PATJ: variants seen among roughly 807,000 people sequenced by gnomAD.
PATJ encodes PATJ crumbs cell polarity complex component, also known as inaD-like protein.
Under a neutral mutation model 224.9 loss-of-function variants are expected in PATJ, and 190 were observed. That is an observed-to-expected ratio of 0.84 (90% CI 0.75 to 0.95). PATJ has a LOEUF of 0.95. Among genes scored for constraint, PATJ ranks in the 40% least tolerant of loss-of-function variants. PATJ has a pLI of 0.00. For missense variants in PATJ, 2,121 were observed against 2,270.3 expected (o/e 0.93, Z 1.34); for synonymous variants, 769 against 820.3 (o/e 0.94, Z 1.07).
intron 27 of PATJ, among the ~76,000 whole-genome samples, chr1:61,983,596 A>G (rs12059388): frequency 0.25 from 38,081 of 151,802 alleles, 5,134 homozygotes; most frequent in East Asian, 0.45. Context: ...CATTGTTTGG[A>G]GCAATGTCAG....
chr1:61,927,826 G>T lies in PATJ; in HGVS notation c.3667G>T (p.Asp1223Tyr). The T allele has an allele frequency of 6.2e-7, 1 of 1,603,252 alleles. No individual in the cohort carries two copies. The highest frequency in any genetic ancestry group is 8.5e-7 in the Non-Finnish European group (1 of 1,171,190). Residue 1223 changes from aspartate (D) to tyrosine (Y), a missense_variant, in exon 27 of 44, where the codon GAC (aspartate) becomes TAC (tyrosine). Asp to Tyr is a radical substitution (Grantham distance 160). Transcript: ENST00000642238. The part of the protein sequence containing the change: ...DENEEEDAFT[D>Y]QKIRQRYADL... ...AAATGAAGAAGAAGATGCCTTTACC[G>T]ACCGTGAGTGCCTTTTCACTATTTA...
intron 24 of PATJ, among the ~76,000 whole-genome samples, chr1:61,901,933 G>T (rs1246119793): frequency 3.3e-5 from 5 of 152,150 alleles, no homozygotes; most frequent in Admixed American, 2.6e-4. Context: ...AGTTTTAAAG[G>T]CACATCAGGC....
chr1:61,841,759 C>T (rs1282175657), intron 17 of PATJ, among the ~76,000 whole-genome samples: 2 of 152,112 alleles, frequency 1.3e-5, no homozygotes, highest in African/African-American at 4.8e-5. Flanking sequence ...ATTTAAAGGT[C>T]ACTTTTTGCT....
chr1:61,753,410 T>C (rs1280684139), intron 1 of PATJ, among the ~76,000 whole-genome samples: 1 of 152,184 alleles, frequency 6.6e-6, no homozygotes, highest in Non-Finnish European at 1.5e-5. Flanking sequence ...AGATATATCA[T>C]ATGTCTTAGT....
intron 7 of PATJ, among the ~76,000 whole-genome samples, chr1:61,783,986 CAAACAA>C (rs958037694): frequency 2.6e-5 from 4 of 151,850 alleles, no homozygotes; most frequent in African/African-American, 9.7e-5. Flanking sequence ...GACTCCCTCT[CAAACAA>C]AAACAAAAAC....
At chr1:61,935,474 T>A (rs1190374007) in intron 27 of PATJ, among the ~76,000 whole-genome samples, 1 of 152,184 alleles carries the variant, frequency 6.6e-6, no homozygotes, top group Non-Finnish European at 1.5e-5. Context: ...AAGAGTATAT[T>A]TGGATTATGA....
intron 27 of PATJ, among the ~76,000 whole-genome samples, chr1:61,987,009 G>A (rs1644798551): frequency 1.3e-5 from 2 of 151,412 alleles, no homozygotes; most frequent in Non-Finnish European, 2.9e-5. Flanking sequence ...TGCCTTCTAA[G>A]TTCTTCTTTA....
intron 17 of PATJ, among the ~76,000 whole-genome samples, chr1:61,834,730 A>C (rs1659892928): frequency 6.6e-6 from 1 of 152,160 alleles, no homozygotes; most frequent in African/African-American, 2.4e-5. Flanking sequence ...ATTGTATAAG[A>C]ATATTACGTT....
intron 21 of PATJ, among the ~76,000 whole-genome samples, chr1:61,881,963 G>A (rs1668160688): frequency 6.6e-6 from 1 of 152,174 alleles, no homozygotes; most frequent in Non-Finnish European, 1.5e-5. Context: ...TCGGAAAACA[G>A]TATACTCATA....
chr1:62,095,503 T>C (rs1661291083), intron 33 of PATJ, among the ~76,000 whole-genome samples: 1 of 152,230 alleles, frequency 6.6e-6, no homozygotes, highest in African/African-American at 2.4e-5. Flanking sequence ...CATTGACATA[T>C]AAGCATAAAA....
At chr1:62,044,439 A>C (rs1014800575) in intron 30 of PATJ, among the ~76,000 whole-genome samples, 3 of 152,234 alleles carry the variant, frequency 2.0e-5, no homozygotes, top group African/African-American at 7.2e-5. Context: ...CAGAAAGATT[A>C]GTCTAATAGC....
intron 17 of PATJ, among the ~76,000 whole-genome samples, chr1:61,850,247 G>T (rs1330268473): frequency 4.6e-5 from 7 of 152,108 alleles, no homozygotes; most frequent in African/African-American, 7.2e-5. Flanking sequence ...GTGAAATCTG[G>T]TCTCTTTGAT....
At chr1:61,814,889 A>G (rs1655789128) in intron 14 of PATJ, among the ~76,000 whole-genome samples, 1 of 152,146 alleles carries the variant, frequency 6.6e-6, no homozygotes, top group Non-Finnish European at 1.5e-5. Flanking sequence ...GGTAGCTTAG[A>G]ATGCATTCAT....
intron 17 of PATJ, among the ~76,000 whole-genome samples, chr1:61,842,401 A>G (rs1304623504): frequency 6.6e-6 from 1 of 152,184 alleles, no homozygotes; most frequent in Non-Finnish European, 1.5e-5. Flanking sequence ...GCGAAAGAGA[A>G]TAACAGGCAA....
intron 1 of PATJ, among the ~76,000 whole-genome samples, chr1:61,762,362 C>T (rs2148288971): frequency 6.6e-6 from 1 of 152,002 alleles, no homozygotes; most frequent in South Asian, 2.1e-4. Context: ...AGTAATTTTT[C>T]CTTTTTATTT....
At chr1:61,807,002 A>G (rs562105854) in intron 13 of PATJ, among the ~76,000 whole-genome samples, 2 of 152,012 alleles carry the variant, frequency 1.3e-5, no homozygotes, top group South Asian at 4.2e-4. Context: ...AAATACAGAA[A>G]TTAGCTGGGT....
chr1:62,066,310 A>G (rs1656407279), intron 31 of PATJ, among the ~76,000 whole-genome samples: 1 of 152,218 alleles, frequency 6.6e-6, no homozygotes, highest in Non-Finnish European at 1.5e-5. Flanking sequence ...CATAGCCAAG[A>G]TTTGAATCCA....
At chr1:62,110,959 C>T (rs7544064) in intron 34 of PATJ, among the ~76,000 whole-genome samples, 2,283 of 152,316 alleles carry the variant, frequency 0.015, 32 homozygotes, top group Non-Finnish European at 0.024. Flanking sequence ...CATCTCCCCA[C>T]AATGTTCTAG....
chr1:62,100,592 A>G (rs559971596), intron 33 of PATJ, among the ~76,000 whole-genome samples: 1 of 152,354 alleles, frequency 6.6e-6, no homozygotes, highest in East Asian at 1.9e-4. Flanking sequence ...TGGAGGGTAC[A>G]TTCATACCAT....
Sources: gnomAD v4.1 joint callset for allele counts (sites outside exome capture counted in the v4.1 genomes callset) on GRCh38, gnomAD v4.1.1 for gene constraint, MANE v1.5 for transcripts, NCBI Gene and HGNC (gene_info 2026-07-23, HGNC 2026-07-21) for gene names.